CAST: variants seen among roughly 807,000 people sequenced by gnomAD.
CAST encodes MIR583 host.
In CAST, 76 loss-of-function variants were observed where a neutral mutation model predicts 119.6. That is an observed-to-expected ratio of 0.64 (90% confidence interval 0.53 to 0.77). The LOEUF (loss-of-function observed/expected upper bound fraction) is 0.77, where lower values mean the gene tolerates loss of function less well. CAST is among the 30% of genes least tolerant of loss of function. The probability of loss-of-function intolerance (pLI) is 0.00; values close to 1 mark genes in which losing one functional copy is unlikely to be tolerated. For missense variants in CAST, 953 were observed against 946.5 expected (o/e 1.01, Z -0.09); for synonymous variants, 319 against 331.6 (o/e 0.96, Z 0.41).
At chr5:96,547,562 T>C (rs1035773216) in intron 1 of CAST, among the ~76,000 whole-genome samples, 7 of 152,246 alleles carry the variant, frequency 4.6e-5, no homozygotes, top group African/African-American at 1.7e-4. Context: ...TTGATTCAAA[T>C]GCTAATTTCT....
At chr5:96,479,408 T>C in the CAST span, among the ~76,000 whole-genome samples, 1 of 151,752 alleles carries the variant, frequency 6.6e-6, no homozygotes, top group Non-Finnish European at 1.5e-5. Flanking sequence ...ACTCAATCAT[T>C]CAAAAAATAT....
the CAST span, among the ~76,000 whole-genome samples, chr5:96,388,665 C>T: frequency 6.6e-6 from 1 of 152,130 alleles, no homozygotes; most frequent in Admixed American, 6.5e-5. Context: ...AATTACAAGG[C>T]AGTTGGAAGG....
chr5:96,295,739 C>T, the CAST span, among the ~76,000 whole-genome samples: 1 of 151,984 alleles, frequency 6.6e-6, no homozygotes, highest in Non-Finnish European at 1.5e-5. Context: ...TCAATGAAAC[C>T]GGAATGACAA....
the CAST span, among the ~76,000 whole-genome samples, chr5:96,518,342 A>G: frequency 1.3e-5 from 2 of 152,256 alleles, no homozygotes; most frequent in Admixed American, 6.5e-5. Flanking sequence ...AGCCAAAAAG[A>G]AAAGAAATGC....
intron 1 of CAST, among the ~76,000 whole-genome samples, chr5:96,666,257 AACAC>A (rs10529318): frequency 3.3e-5 from 5 of 150,044 alleles, no homozygotes; most frequent in Admixed American, 6.6e-5. Context: ...GGTTGTAGTA[AACAC>A]ACACACACAC....
At chr5:96,645,623 A>G (rs1353529867) in intron 1 of CAST, among the ~76,000 whole-genome samples, 1 of 152,098 alleles carries the variant, frequency 6.6e-6, no homozygotes, top group Non-Finnish European at 1.5e-5. Flanking sequence ...TTTAAATTAT[A>G]AGATAATATG....
chr5:96,748,315 A>G (rs1174010708), intron 18 of CAST, among the ~76,000 whole-genome samples: 1 of 152,168 alleles, frequency 6.6e-6, no homozygotes, highest in Non-Finnish European at 1.5e-5. Context: ...TTTGGTCCTG[A>G]GGTGTTTAGT....
At chr5:96,653,860 T>C (rs1748123375) in intron 1 of CAST, among the ~76,000 whole-genome samples, 1 of 152,144 alleles carries the variant, frequency 6.6e-6, no homozygotes. Context: ...ATTTTTCTAG[T>C]GGTAGTTTTA....
At chr5:96,068,643 T>A in the CAST span, among the ~76,000 whole-genome samples, 1 of 150,736 alleles carries the variant, frequency 6.6e-6, no homozygotes, top group Admixed American at 6.6e-5. Flanking sequence ...TATGTGTATG[T>A]ATGCACATGC....
chr5:96,380,990 C>A, the CAST span, among the ~76,000 whole-genome samples: 1 of 152,162 alleles, frequency 6.6e-6, no homozygotes, highest in Admixed American at 6.5e-5. Flanking sequence ...CTTGTTGAAT[C>A]TTGGTGTAGT....
chr5:96,274,295 G>T, the CAST span, among the ~76,000 whole-genome samples: 1 of 151,682 alleles, frequency 6.6e-6, no homozygotes, highest in Non-Finnish European at 1.5e-5. Context: ...GTAGATACGG[G>T]GTTTCACTGT....
At chr5:96,290,922 C>T in the CAST span, among the ~76,000 whole-genome samples, 1 of 152,166 alleles carries the variant, frequency 6.6e-6, no homozygotes. Context: ...CAGTGAGCAA[C>T]TTCTGAAGCT....
chr5:96,636,003 C>T (rs1440796562), intron 1 of CAST, among the ~76,000 whole-genome samples: 1 of 152,166 alleles, frequency 6.6e-6, no homozygotes, highest in Non-Finnish European at 1.5e-5. Flanking sequence ...AAGAAGCAAG[C>T]GTTGAGAGCT....
the CAST span, among the ~76,000 whole-genome samples, chr5:96,477,288 A>C: frequency 6.8e-6 from 1 of 147,206 alleles, no homozygotes; most frequent in African/African-American, 2.6e-5. Flanking sequence ...AGAAATAGAG[A>C]TATATGCACG....
chr5:96,114,490 G>C, the CAST span, among the ~76,000 whole-genome samples: 1 of 152,134 alleles, frequency 6.6e-6, no homozygotes, highest in African/African-American at 2.4e-5. Context: ...CTCGTGAAAA[G>C]GTTACTAAAA....
the CAST span, chr5:96,399,080 C>T: frequency 3.4e-6 from 5 of 1,464,898 alleles, no homozygotes; most frequent in South Asian, 5.9e-5. Context: ...TATATCCAAA[C>T]TTCCTTGCAT....
chr5:95,982,026 C>G, the CAST span, among the ~76,000 whole-genome samples: 1 of 151,868 alleles, frequency 6.6e-6, no homozygotes, highest in Non-Finnish European at 1.5e-5. Context: ...CCAATGCAAA[C>G]CCATGGTTTT....
chr5:95,992,212 G>A, the CAST span, among the ~76,000 whole-genome samples: 1 of 152,090 alleles, frequency 6.6e-6, no homozygotes, highest in Admixed American at 6.6e-5. Flanking sequence ...TTCTCTAAAT[G>A]GATTTTATGG....
intron 1 of CAST, among the ~76,000 whole-genome samples, chr5:96,642,979 A>G (rs1210517675): frequency 6.6e-6 from 1 of 152,078 alleles, no homozygotes; most frequent in East Asian, 1.9e-4. Flanking sequence ...TGAGGAAATT[A>G]AGGACCAGAG....
Sources: gnomAD v4.1 joint callset for allele counts (sites outside exome capture counted in the v4.1 genomes callset) on GRCh38, gnomAD v4.1.1 for gene constraint, MANE v1.5 for transcripts, NCBI Gene and HGNC (gene_info 2026-07-23, HGNC 2026-07-21) for gene names.